Variants in ARID1A observed in about 807,000 individuals in gnomAD.
ARID1A encodes AT-rich interactive domain-containing protein 1A.
In ARID1A, 20 loss-of-function variants were observed where a neutral mutation model predicts 212.6. The observed-to-expected ratio is 0.09, with a 90% CI of 0.07 to 0.14. The LOEUF (loss-of-function observed/expected upper bound fraction) is 0.14, where lower values mean the gene tolerates loss of function less well. Among genes scored for constraint, ARID1A ranks in the 10% least tolerant of loss-of-function variants. ARID1A has a pLI of 1.00. For synonymous variants in ARID1A, 1,376 were observed against 1,222.1 expected, an observed-to-expected ratio of 1.13 and a Z score of -2.63; for missense variants, 2,587 against 3,059.0, an observed-to-expected ratio of 0.85 and a Z score of 3.64.
chr1:26,780,902 C>T lies in ARID1A; in HGVS notation c.*146C>T. 8.6e-7 allele frequency: 1 copy of T among 1,169,506 alleles called. No individual in the cohort carries two copies. Among genetic ancestry groups the T allele is most frequent in the South Asian group, 1.6e-5 (1 of 61,552 alleles). The allele number at this position is 1,169,506 out of a possible 1,614,324, so 72.4% of individuals were successfully genotyped here. ...CTTCTCCCTTGGGAAAAAGTCTCTC[C>T]TGTTTCTCTCTCCTCCTTCCACCTC... is the stretch of plus-strand genomic sequence containing the variant. On this transcript the variant is annotated 3_prime_UTR_variant, in exon 20 of 20. Transcript: ENST00000324856. The surrounding 1 kb of genome is among the most constrained non-coding windows in gnomAD (Gnocchi z 7.2).
At position 26,774,744 on chromosome 1, in the gene ARID1A, A is replaced by G. The variant is rs574277680; in HGVS notation, c.4517A>G (p.Tyr1506Cys). The G allele has an allele frequency of 5.6e-6, 9 of 1,614,226 alleles. No homozygotes were observed. The highest frequency in any genetic ancestry group is 1.3e-5 in the African/African-American group (1 of 75,048). The change falls in exon 18 of 20, where the codon TAT (tyrosine) becomes TGT (cysteine). Residue 1506 changes from tyrosine (Y) to cysteine (C), a missense_variant. Tyr to Cys is a radical substitution (Grantham distance 194). Transcript: ENST00000324856. This position sits in a 1 kb window ranked among gnomAD's most constrained non-coding sequence, Gnocchi z 5.6. Reference sequence around the variant, plus strand: ...TGGCAGGGGCGTAATGACATGACCTATAATTATGCCAACAGGCAGAGCACG... The same window carrying G: ...TGGCAGGGGCGTAATGACATGACCTGTAATTATGCCAACAGGCAGAGCACG... The part of the protein sequence containing the change: ...TMWQGRNDMT[Y>C]NYANRQSTGS...
At chr1:26,698,398 A>G (rs933204016) in intron 1 of ARID1A, among the ~76,000 whole-genome samples, 1 of 152,162 alleles carries the variant, frequency 6.6e-6, no homozygotes, top group Non-Finnish European at 1.5e-5. Context: ...TGATAACCCA[A>G]ACTATCGCTG....
At position 26,696,299 on chromosome 1, in the gene ARID1A, C is replaced by A. The variant is rs1278009869; in HGVS notation, c.-105C>A. On this transcript the variant is annotated 5_prime_UTR_variant, in exon 1 of 20. Coordinates refer to ENST00000324856, the MANE Select transcript of ARID1A (RefSeq NM_006015.6). ...CGGAGCCCCGCGAGGCCCGCCCGGG[C>A]GGGTGGGGAGGGCAGCCCGGGGGAC... 9 of 1,029,030 alleles carry A rather than the reference C, an allele frequency of 8.7e-6. No individual in the cohort carries two copies. Among genetic ancestry groups the A allele is most frequent in the Non-Finnish European group, 9.1e-6 (8 of 877,688 alleles). The allele number at this position is 1,029,030 out of a possible 1,614,324, so 63.7% of individuals were successfully genotyped here. A position where few individuals can be genotyped will look rare whatever the true frequency, so the allele number is the denominator to read the frequency against.
rs1056776115 is a variant in ARID1A at position 26,745,776 on chromosome 1, G to T, written c.1920+12984G>T. On this transcript the variant is annotated intron_variant, in intron 4 of 19. Transcript: ENST00000324856. ...AAGATCCTTTAAGAAAAGGCCGCAGGCACGGTAGCTCACACCTGTAATCCC... is the reference window on the plus strand; with the variant it reads ...AAGATCCTTTAAGAAAAGGCCGCAGTCACGGTAGCTCACACCTGTAATCCC... Among the ~76,000 whole-genome samples, 5 of 152,314 alleles carry T rather than the reference G, an allele frequency of 3.3e-5. No individual in the cohort carries two copies. The East Asian group carries it at 9.6e-4, about 29-fold the overall frequency.
At chr1:26,747,995 T>C (rs2080853372) in intron 4 of ARID1A, among the ~76,000 whole-genome samples, 1 of 152,252 alleles carries the variant, frequency 6.6e-6, no homozygotes, top group Non-Finnish European at 1.5e-5. Context: ...GGTTGTATTC[T>C]GGTTTAAGAT....
Position 26,773,004 on chromosome 1 carries a change from C to G in ARID1A, c.3715+17C>G, listed in dbSNP as rs1405449930. 1 of 1,595,450 alleles carries G rather than the reference C, an allele frequency of 6.3e-7. No individual in the cohort carries two copies. Among genetic ancestry groups the G allele is most frequent in the South Asian group, 1.1e-5 (1 of 89,852 alleles). On this transcript the variant is annotated intron_variant, in intron 14 of 19. Coordinates refer to ENST00000324856, the MANE Select transcript of ARID1A (RefSeq NM_006015.6). The stretch of plus-strand genomic sequence containing the variant: ...TGAGGAAAGGTGACTGATCTGATTG[C>G]TATTTGAACTTGTGCTCGTAAAGAC...
At position 26,696,039 on chromosome 1, in the gene ARID1A, GGA is replaced by G. The variant is rs1291535640; in HGVS notation, c.-361_-360del. On this transcript the variant is annotated 5_prime_UTR_variant, in exon 1 of 20. Coordinates refer to ENST00000324856, the MANE Select transcript of ARID1A (RefSeq NM_006015.6). ...CCTCCTTTCTCCGGCAGCAGAAAGC[GGA>G]GAGTCACAGCGGGGCCAGGCCCTGG... 5.4e-5 allele frequency: 41 copies of G among 756,444 alleles called. No individual in the cohort carries two copies. Among genetic ancestry groups the G allele is most frequent in the Non-Finnish European group, 6.1e-5 (38 of 619,018 alleles). The allele number at this position is 756,444 out of a possible 1,614,324, so 46.9% of individuals were successfully genotyped here. A position where few individuals can be genotyped will look rare whatever the true frequency, so the allele number is the denominator to read the frequency against.
intron 1 of ARID1A, among the ~76,000 whole-genome samples, chr1:26,712,467 T>C (rs1417322218): frequency 6.6e-6 from 1 of 152,162 alleles, no homozygotes. Context: ...AGAAGATTGC[T>C]TGAGCCCAGG....
intron 10 of ARID1A, 118 bp downstream of exon 10, chr1:26,766,684 C>T: frequency 9.2e-7 from 1 of 1,085,964 alleles, no homozygotes; most frequent in Non-Finnish European, 1.3e-6. Flanking sequence ...ACTAGATAGT[C>T]TCTGAAAAAG....
intron 4 of ARID1A, among the ~76,000 whole-genome samples, chr1:26,735,355 C>CTGCACTCACTGCAACCTCAGCT (rs2080719575): frequency 6.6e-6 from 1 of 152,146 alleles, no homozygotes; most frequent in Non-Finnish European, 1.5e-5. Context: ...TGCAATGGCA[C>CTGCACTCACTGCAACCTCAGCT]GATCTCAGCT....
intron 4 of ARID1A, among the ~76,000 whole-genome samples, chr1:26,743,009 C>T (rs1472229003): frequency 6.6e-6 from 1 of 152,250 alleles, no homozygotes; most frequent in African/African-American, 2.4e-5. Context: ...GGCTTTGGAA[C>T]GTCATAAATT....
intron 1 of ARID1A, among the ~76,000 whole-genome samples, chr1:26,724,265 G>T (rs1570569209): frequency 6.6e-6 from 1 of 152,226 alleles, no homozygotes; most frequent in Non-Finnish European, 1.5e-5. Flanking sequence ...CTCTCTGATG[G>T]ACACCTTTTT....
intron 4 of ARID1A, among the ~76,000 whole-genome samples, chr1:26,760,210 C>G (rs2080977908): frequency 6.6e-6 from 1 of 152,086 alleles, no homozygotes; most frequent in African/African-American, 2.4e-5. Flanking sequence ...AGTGCTAGAT[C>G]TGCTTCTGAG....
At position 26,774,355 on chromosome 1, in the gene ARID1A, A is replaced by G; in HGVS notation, c.4128A>G (p.Thr1376=). ...QQNYKRPMDG[T]YGPPAKRHEG... Reference sequence around the variant, plus strand: ...ATTACAAGCGGCCAATGGATGGCACATATGGCCCTCCTGCCAAGCGGCACG... The same window carrying G: ...ATTACAAGCGGCCAATGGATGGCACGTATGGCCCTCCTGCCAAGCGGCACG... Residue 1376 remains threonine (T), a synonymous_variant, in exon 18 of 20, where the codon ACA becomes ACG. Coordinates refer to ENST00000324856, the MANE Select transcript of ARID1A (RefSeq NM_006015.6). The surrounding 1 kb of genome is among the most constrained non-coding windows in gnomAD (Gnocchi z 5.6). The G allele has an allele frequency of 6.4e-7, 1 of 1,557,214 alleles. No homozygotes were observed. The highest frequency in any genetic ancestry group is 8.7e-7 in the Non-Finnish European group (1 of 1,148,918).
chr1:26,763,962 T>A (rs2081016471), intron 8 of ARID1A, among the ~76,000 whole-genome samples: 1 of 151,952 alleles, frequency 6.6e-6, no homozygotes, highest in African/African-American at 2.4e-5. Flanking sequence ...CTAATTTTTT[T>A]TATTTTTTAT....
rs375952330 is a variant in ARID1A at position 26,779,668 on chromosome 1, G to A, written c.5770G>A (p.Glu1924Lys). Reference protein sequence around the residue: ...MLSTRSSTLTEDGAKSSEAIK... With the variant: ...MLSTRSSTLTKDGAKSSEAIK... ...GTCTACTCGGTCTAGCACCTTGACC[G>A]AGGATGGAGCTAAGAGTTCAGAGGC... is the stretch of plus-strand genomic sequence containing the variant. The change falls in exon 20 of 20, where the codon GAG becomes AAG. Residue 1924 changes from glutamate (E) to lysine (K), a missense_variant. Transcript: ENST00000324856. The A allele has an allele frequency of 9.9e-6, 16 of 1,614,028 alleles. 1 individual carries two copies. In the African/African-American group the frequency reaches 1.1e-4, roughly 11 times the overall value.
rs1368493164 is a variant in ARID1A at position 26,731,299 on chromosome 1, T to A, written c.1498T>A (p.Tyr500Asn). Reference sequence around the variant, plus strand: ...CCAGACCCCTCATGCCCAACCTTCGTATCAGCAGCAGCCACAGTCTCAACC... The same window carrying A: ...CCAGACCCCTCATGCCCAACCTTCGAATCAGCAGCAGCCACAGTCTCAACC... ...PSQTPHAQPSYQQQPQSQPPQ... is the reference protein window; with the variant it reads ...PSQTPHAQPSNQQQPQSQPPQ... Residue 500 changes from tyrosine to asparagine, a missense_variant, in exon 3 of 20, where the codon TAT becomes AAT. Tyr to Asn is a moderately radical substitution (Grantham distance 143). Around this residue, in one of 11 missense-constraint regions of ARID1A, gnomAD observed 674 missense variants for 813.4 expected, o/e 0.83. Coordinates refer to ENST00000324856, the MANE Select transcript of ARID1A (RefSeq NM_006015.6). 1 of 1,613,492 alleles carries A rather than the reference T, an allele frequency of 6.2e-7. No homozygotes were observed. The highest frequency in any genetic ancestry group is 1.1e-5 in the South Asian group (1 of 91,014).
chr1:26,703,934 C>CT (rs2080362810), intron 1 of ARID1A, among the ~76,000 whole-genome samples: 1 of 152,202 alleles, frequency 6.6e-6, no homozygotes. Context: ...ATTATGTGAG[C>CT]TGAAGGAATT....
chr1:26,742,165 A>G (rs1000152818), intron 4 of ARID1A, among the ~76,000 whole-genome samples: 8 of 152,176 alleles, frequency 5.3e-5, no homozygotes, highest in African/African-American at 1.9e-4. Context: ...TAGGCAAAAA[A>G]CTCAACTCTT....
Sources: gnomAD v4.1 joint callset for allele counts (sites outside exome capture counted in the v4.1 genomes callset) on GRCh38, gnomAD v4.1.1 for gene constraint, gnomAD v4.1.1 regional missense constraint, Gnocchi (gnomAD v3.1) non-coding constraint, MANE v1.5 for transcripts, NCBI Gene and HGNC (gene_info 2026-07-23, HGNC 2026-07-21) for gene names.